Variants in SRGAP1 observed in about 807,000 individuals in gnomAD.
SRGAP1 encodes the protein SLIT-ROBO Rho GTPase-activating protein 1.
Under a neutral mutation model 121.9 loss-of-function variants are expected in SRGAP1, and 43 were observed. The ratio of observed to expected loss-of-function variants is 0.35; its 90% confidence interval spans 0.28 to 0.46. SRGAP1 has a LOEUF of 0.46. Ranked by LOEUF, SRGAP1 falls within the 20% of genes least tolerant of loss-of-function variation. The pLI, the probability that SRGAP1 is intolerant of heterozygous loss-of-function variation, is 1.00. For synonymous variants in SRGAP1, 447 were observed against 485.4 expected (o/e 0.92, Z 1.04); for missense variants, 1,102 against 1,350.9 (o/e 0.82, Z 2.89).
intron 21 of SRGAP1, among the ~76,000 whole-genome samples, chr12:64,139,239 C>T (rs561828935): frequency 3.7e-4 from 57 of 152,080 alleles, no homozygotes; most frequent in Non-Finnish European, 6.3e-4. Context: ...CAAAAATGCC[C>T]CATAGGAGAC....
chr12:63,985,730 A>T (rs1340109034), intron 2 of SRGAP1, among the ~76,000 whole-genome samples: 1 of 152,188 alleles, frequency 6.6e-6, no homozygotes, highest in Non-Finnish European at 1.5e-5. Flanking sequence ...AAGACTTGGA[A>T]CTGAGAGCTT....
intron 1 of SRGAP1, among the ~76,000 whole-genome samples, chr12:63,965,428 A>G (rs751812616): frequency 4.3e-4 from 66 of 152,312 alleles, no homozygotes; most frequent in South Asian, 2.1e-4. Context: ...TTTTGGTTAC[A>G]TTTTCTAACT....
chr12:64,136,893 G>T (rs1238334413), intron 21 of SRGAP1, among the ~76,000 whole-genome samples: 1 of 152,160 alleles, frequency 6.6e-6, no homozygotes, highest in Non-Finnish European at 1.5e-5. Context: ...AGGGATTTAG[G>T]TGCTTGGAGG....
At chr12:63,864,609 G>A (rs535801363) in intron 1 of SRGAP1, among the ~76,000 whole-genome samples, 1 of 152,288 alleles carries the variant, frequency 6.6e-6, no homozygotes, top group Admixed American at 6.5e-5. Context: ...GACAAGTAGA[G>A]TGTTGAACTG....
intron 1 of SRGAP1, among the ~76,000 whole-genome samples, chr12:63,866,692 A>G (rs911870515): frequency 6.6e-6 from 1 of 151,374 alleles, no homozygotes; most frequent in African/African-American, 2.4e-5. Flanking sequence ...TATTGAACAA[A>G]TGGGATCGTT....
At chr12:63,876,241 A>G (rs1399630015) in intron 1 of SRGAP1, among the ~76,000 whole-genome samples, 2 of 152,310 alleles carry the variant, frequency 1.3e-5, no homozygotes, top group East Asian at 3.9e-4. Context: ...CATGAAACCT[A>G]GAACTCTTGA....
intron 17 of SRGAP1, among the ~76,000 whole-genome samples, chr12:64,113,828 G>C (rs2036472545): frequency 6.6e-6 from 1 of 152,148 alleles, no homozygotes; most frequent in Admixed American, 6.6e-5. Flanking sequence ...CAAAGCATAT[G>C]TGAGTCTTCT....
chr12:63,991,068 A>C (rs2033545912), intron 3 of SRGAP1, among the ~76,000 whole-genome samples: 1 of 152,226 alleles, frequency 6.6e-6, no homozygotes. Context: ...TGCTGAGCAC[A>C]AATAATAAAA....
intron 15 of SRGAP1, 129 bp from the exon 16 acceptor site, chr12:64,108,803 C>A (rs976480281): frequency 1.2e-5 from 6 of 520,866 alleles, no homozygotes; most frequent in Middle Eastern, 3.5e-4. Flanking sequence ...GTTTTGGTTA[C>A]AATTGGATCT....
intron 1 of SRGAP1, among the ~76,000 whole-genome samples, chr12:63,928,921 A>G (rs2031361690): frequency 2.6e-5 from 4 of 152,174 alleles, no homozygotes; most frequent in Non-Finnish European, 5.9e-5. Context: ...CATTGATATG[A>G]CAGGAGGCAG....
intron 8 of SRGAP1, among the ~76,000 whole-genome samples, chr12:64,071,100 C>G (rs968939503): frequency 6.6e-6 from 1 of 152,164 alleles, no homozygotes; most frequent in African/African-American, 2.4e-5. Flanking sequence ...GCCATTTGTT[C>G]CTTAAATGAC....
intron 1 of SRGAP1, among the ~76,000 whole-genome samples, chr12:63,923,331 T>C (rs1041466212): frequency 3.9e-5 from 6 of 152,238 alleles, no homozygotes; most frequent in Non-Finnish European, 1.5e-5. Flanking sequence ...AACATCATTT[T>C]ATAACGGCCG....
At chr12:63,962,436 C>G (rs1267927634) in intron 1 of SRGAP1, among the ~76,000 whole-genome samples, 1 of 152,246 alleles carries the variant, frequency 6.6e-6, no homozygotes, top group South Asian at 2.1e-4. Context: ...GAGACAGAGC[C>G]TTGCTCTGCC....
chr12:64,041,578 C>G (rs954264794), intron 4 of SRGAP1, among the ~76,000 whole-genome samples: 1 of 151,544 alleles, frequency 6.6e-6, no homozygotes. Flanking sequence ...GAGACGGTCC[C>G]GCTGTGTTGC....
chr12:63,863,237 C>G (rs558405159), intron 1 of SRGAP1, among the ~76,000 whole-genome samples: 1 of 150,210 alleles, frequency 6.7e-6, no homozygotes, highest in Non-Finnish European at 1.5e-5. Context: ...AATGCCTTTT[C>G]AAATGGTTGC....
intron 11 of SRGAP1, among the ~76,000 whole-genome samples, chr12:64,088,364 A>C (rs1424002805): frequency 6.6e-6 from 1 of 152,196 alleles, no homozygotes; most frequent in East Asian, 1.9e-4. Flanking sequence ...GTTGTTTCTC[A>C]ATTATAATTA....
intron 16 of SRGAP1, among the ~76,000 whole-genome samples, chr12:64,109,815 C>A (rs2036402884): frequency 6.6e-6 from 1 of 152,134 alleles, no homozygotes; most frequent in South Asian, 2.1e-4. Context: ...CGGATATTTT[C>A]TTTTCTCTAT....
intron 1 of SRGAP1, among the ~76,000 whole-genome samples, chr12:63,976,011 G>A (rs1231972863): frequency 2.0e-5 from 3 of 152,078 alleles, no homozygotes; most frequent in Non-Finnish European, 2.9e-5. Flanking sequence ...TTATTCATTT[G>A]TATTCTCTTC....
At chr12:63,861,028 T>G (rs1008307260) in intron 1 of SRGAP1, among the ~76,000 whole-genome samples, 6 of 151,988 alleles carry the variant, frequency 3.9e-5, no homozygotes, top group African/African-American at 1.4e-4. Context: ...GGTCTTTATT[T>G]GCTGAACCTT....
Sources: gnomAD v4.1 joint callset for allele counts (sites outside exome capture counted in the v4.1 genomes callset) on GRCh38, gnomAD v4.1.1 for gene constraint, MANE v1.5 for transcripts, NCBI Gene and HGNC (gene_info 2026-07-23, HGNC 2026-07-21) for gene names.